The following LGR4 variants were observed in gnomAD, a reference collection of about 807,000 sequenced individuals.
LGR4 encodes the protein leucine rich repeat containing G protein-coupled receptor 4.
A neutral mutation model predicts 84.8 loss-of-function variants in LGR4; 44 were observed. The ratio of observed to expected loss-of-function variants is 0.52; its 90% CI spans 0.41 to 0.67. The LOEUF is 0.67. Among genes scored for constraint, LGR4 ranks in the 30% least tolerant of loss-of-function variants. The pLI, the probability that LGR4 is intolerant of heterozygous loss-of-function variation, is 0.00. For synonymous variants in LGR4, 429 were observed against 434.3 expected (o/e 0.99, Z 0.15); for missense variants, 1,032 against 1,131.4 (o/e 0.91, Z 1.26).
At chr11:27,431,674 T>C (rs1864118031) in intron 1 of LGR4, among the ~76,000 whole-genome samples, 1 of 152,232 alleles carries the variant, frequency 6.6e-6, no homozygotes, top group Admixed American at 6.5e-5. Context: ...TTCTTCCATA[T>C]TTCTTGGCAC....
chr11:27,409,508 T>C (rs1231571461), intron 2 of LGR4, among the ~76,000 whole-genome samples: 3 of 152,126 alleles, frequency 2.0e-5, no homozygotes, highest in Non-Finnish European at 4.4e-5. Flanking sequence ...ATCAGCTCTC[T>C]GTGTTCCCGG....
chr11:27,430,235 G>A (rs1170766452), intron 1 of LGR4, among the ~76,000 whole-genome samples: 1 of 152,016 alleles, frequency 6.6e-6, no homozygotes, highest in Non-Finnish European at 1.5e-5. Flanking sequence ...CGAGATCCAA[G>A]AAGAACAATA....
At chr11:27,381,718 T>A (rs80199906) in intron 7 of LGR4, among the ~76,000 whole-genome samples, 11 of 147,006 alleles carry the variant, frequency 7.5e-5, no homozygotes, top group East Asian at 4.1e-4. Context: ...AAAAAAAAAA[T>A]AAAAACAAAA....
intron 1 of LGR4, among the ~76,000 whole-genome samples, chr11:27,421,478 T>C (rs964312627): frequency 2.6e-5 from 4 of 152,188 alleles, no homozygotes; most frequent in Non-Finnish European, 5.9e-5. Flanking sequence ...GTTTACACTC[T>C]TGATGAAGCA....
Position 27,371,674 on chromosome 11 carries a change from G to C in LGR4, c.1520C>G (p.Thr507Arg). 6.2e-7 allele frequency: 1 copy of C among 1,612,564 alleles called. No individual in the cohort carries two copies. The highest frequency in any genetic ancestry group is 8.5e-7 in the Non-Finnish European group (1 of 1,179,020). The change falls in exon 17 of 18, where the codon ACA becomes AGA. Residue 507 changes from threonine (T) to arginine (R), a missense_variant. Physicochemically the swap from Thr to Arg is moderately conservative, Grantham distance 71. Transcript: ENST00000379214. ...ATGTTCTTCATTTTCAAGAGTGCTT[G>C]TGACATTTGCTGCATCAGCAGTACC... The part of the protein sequence containing the change: ...EKGTADAANV[T>R]STLENEEHSQ...
At chr11:27,463,910 G>A (rs1864730604) in intron 1 of LGR4, among the ~76,000 whole-genome samples, 1 of 152,212 alleles carries the variant, frequency 6.6e-6, no homozygotes, top group African/African-American at 2.4e-5. Context: ...ACTTCAACTT[G>A]TGTGAGAGAA....
At chr11:27,385,524 T>C in intron 4 of LGR4, 56 bp from the exon 5 acceptor site, 1 of 1,139,282 alleles carries the variant, frequency 8.8e-7, no homozygotes, top group Non-Finnish European at 1.3e-6. Context: ...AATGAGTCAG[T>C]TCAAGTCTCA....
intron 1 of LGR4, among the ~76,000 whole-genome samples, chr11:27,420,634 T>C (rs959713075): frequency 6.6e-6 from 1 of 152,042 alleles, no homozygotes; most frequent in Admixed American, 6.6e-5. Flanking sequence ...TTACGTATAA[T>C]ATACATACAC....
At chr11:27,380,545 A>C (rs964129572) in intron 9 of LGR4, 95 bp downstream of exon 9, 13 of 952,124 alleles carry the variant, frequency 1.4e-5, no homozygotes, top group Non-Finnish European at 2.1e-5. Context: ...AAAATTTTAA[A>C]GATTTTGTTT....
intron 1 of LGR4, among the ~76,000 whole-genome samples, chr11:27,433,221 T>A (rs773545330): frequency 6.6e-5 from 10 of 152,088 alleles, no homozygotes; most frequent in Non-Finnish European, 1.3e-4. Context: ...CTTTCTTTTT[T>A]TATTTTTTTG....
At chr11:27,443,190 C>A (rs1212782425) in intron 1 of LGR4, among the ~76,000 whole-genome samples, 1 of 152,174 alleles carries the variant, frequency 6.6e-6, no homozygotes, top group African/African-American at 2.4e-5. Flanking sequence ...GGTCTCCAAA[C>A]CCCATCTCCC....
At chr11:27,424,747 T>G (rs1395522918) in intron 1 of LGR4, among the ~76,000 whole-genome samples, 1 of 152,170 alleles carries the variant, frequency 6.6e-6, no homozygotes, top group Non-Finnish European at 1.5e-5. Flanking sequence ...TTAGGTTTTT[T>G]GTCTGTTTGT....
At chr11:27,434,512 C>T (rs4514364) in intron 1 of LGR4, among the ~76,000 whole-genome samples, 107,472 of 152,108 alleles carry the variant, frequency 0.71, 38,080 homozygotes, top group South Asian at 0.83. Context: ...CTGTCCACTA[C>T]ACTGAACTGG....
chr11:27,392,591 CCTAAT>C (rs1172456090), intron 2 of LGR4, 73 bp from the exon 3 acceptor site: 6 of 1,271,870 alleles, frequency 4.7e-6, no homozygotes, highest in Admixed American at 5.3e-5. Context: ...CTTACAAAAA[CCTAAT>C]CTGTGATTAA....
chr11:27,393,202 A>G (rs913759886), intron 2 of LGR4, among the ~76,000 whole-genome samples: 4 of 152,172 alleles, frequency 2.6e-5, no homozygotes, highest in Admixed American at 6.6e-5. Flanking sequence ...TTTTCCTCCT[A>G]TTTCCCTGGG....
At chr11:27,455,804 A>G (rs1864564043) in intron 1 of LGR4, among the ~76,000 whole-genome samples, 1 of 152,232 alleles carries the variant, frequency 6.6e-6, no homozygotes, top group South Asian at 2.1e-4. Flanking sequence ...TATAAAAGCA[A>G]GATCCAACAC....
intron 1 of LGR4, among the ~76,000 whole-genome samples, chr11:27,453,191 C>T (rs764240929): frequency 1.1e-4 from 16 of 152,016 alleles, no homozygotes; most frequent in Non-Finnish European, 2.2e-4. Context: ...GCCTCAGCCT[C>T]CCGAGTAGCT....
intron 1 of LGR4, among the ~76,000 whole-genome samples, chr11:27,439,283 T>G (rs1864261126): frequency 6.6e-6 from 1 of 152,210 alleles, no homozygotes; most frequent in Non-Finnish European, 1.5e-5. Flanking sequence ...GAATTTTGAC[T>G]ACTCTAAGTA....
At chr11:27,387,593 A>G (rs1863210965) in intron 4 of LGR4, among the ~76,000 whole-genome samples, 1 of 152,168 alleles carries the variant, frequency 6.6e-6, no homozygotes, top group African/African-American at 2.4e-5. Context: ...CCAGAAGGTT[A>G]AGAGTGATTA....
Sources: gnomAD v4.1 joint callset for allele counts (sites outside exome capture counted in the v4.1 genomes callset) on GRCh38, gnomAD v4.1.1 for gene constraint, MANE v1.5 for transcripts, NCBI Gene and HGNC (gene_info 2026-07-23, HGNC 2026-07-21) for gene names.